Variants in CREM observed in about 807,000 individuals in gnomAD.
The protein encoded by CREM is cAMP responsive element modulator.
In CREM, 13 loss-of-function variants were observed where a neutral mutation model predicts 37.3. The ratio of observed to expected loss-of-function variants is 0.35; its 90% CI spans 0.23 to 0.55. The LOEUF (loss-of-function observed/expected upper bound fraction) is 0.55, where lower values mean the gene tolerates loss of function less well. Ranked by LOEUF, CREM falls within the 20% of genes least tolerant of loss-of-function variation. CREM has a pLI of 0.88. For synonymous variants in CREM, 124 were observed against 120.2 expected (o/e 1.03, Z -0.21); for missense variants, 296 against 362.3 (o/e 0.82, Z 1.49).
intron 5 of CREM, among the ~76,000 whole-genome samples, chr10:35,184,868 T>TAC (rs2094487895): frequency 6.6e-6 from 1 of 152,210 alleles, no homozygotes; most frequent in African/African-American, 2.4e-5. Context: ...CTGAGGCAGC[T>TAC]ACTCTCACCT....
At chr10:35,189,576 C>T (rs746375408) in intron 6 of CREM, among the ~76,000 whole-genome samples, 23 of 152,160 alleles carry the variant, frequency 1.5e-4, no homozygotes, top group South Asian at 1.5e-3. Context: ...AGTGCAGTGG[C>T]GCGATCTCGG....
chr10:35,193,534 C>T (rs2133921160), intron 6 of CREM, among the ~76,000 whole-genome samples: 2 of 152,252 alleles, frequency 1.3e-5, no homozygotes, highest in East Asian at 3.9e-4. Context: ...AGCAAAGAGT[C>T]CCTGCTGGAG....
chr10:35,135,726 A>C (rs2090377295), intron 1 of CREM, among the ~76,000 whole-genome samples: 1 of 127,056 alleles, frequency 7.9e-6, no homozygotes, highest in African/African-American at 2.7e-5. Context: ...TTCTGGAAAA[A>C]AAAAAAAAAA....
chr10:35,187,099 TG>T (rs1203454379), intron 5 of CREM, among the ~76,000 whole-genome samples: 7 of 50,504 alleles, frequency 1.4e-4, no homozygotes, highest in South Asian at 3.9e-4. Flanking sequence ...ATAATATATA[TG>T]ATATATATTA....
At chr10:35,137,326 T>C (rs750957151) in intron 1 of CREM, among the ~76,000 whole-genome samples, 1 of 152,188 alleles carries the variant, frequency 6.6e-6, no homozygotes, top group East Asian at 1.9e-4. Flanking sequence ...AGTTGGAATT[T>C]AAGGTAAATG....
At chr10:35,132,842 C>T (rs990281744) in intron 1 of CREM, among the ~76,000 whole-genome samples, 2 of 152,272 alleles carry the variant, frequency 1.3e-5, no homozygotes, top group East Asian at 1.9e-4. Context: ...ATTTTTTAAT[C>T]GACTTGGTTG....
chr10:35,130,675 A>G (rs1169596974), intron 1 of CREM, among the ~76,000 whole-genome samples: 1 of 152,158 alleles, frequency 6.6e-6, no homozygotes, highest in East Asian at 1.9e-4. Flanking sequence ...AATACATTCC[A>G]CTGTGTTCTA....
rs1385001220 is a variant in CREM at position 35,163,478 on chromosome 10, GTTCGAGACCAGC to G, written c.168+14988_168+14999del. 5.9e-5 allele frequency among the ~76,000 whole-genome samples: 9 copies of G among 152,250 alleles called. No homozygotes were observed. The East Asian group carries it at 1.5e-3, about 26-fold the overall frequency. On this transcript the variant is annotated intron_variant, in intron 3 of 7. Coordinates refer to ENST00000685392, the MANE Select transcript of CREM (RefSeq NM_183011.2). ...ATGAGATGATTGCTTGAGCACAGGA[GTTCGAGACCAGC>G]CTGTACAACATAGGGAGACCATGTC...
In CREM at chr10:35,178,989, A is replaced by G. The variant is rs2094228311; in HGVS notation, c.266+3A>G. 2 of 1,592,182 alleles carry G rather than the reference A, an allele frequency of 1.3e-6. No individual in the cohort carries two copies. Among genetic ancestry groups the G allele is most frequent in the Middle Eastern group, 1.7e-4 (1 of 5,912 alleles). ...CTTTCACGAAGACCCTCTTATAGGT[A>G]AGTTAACCAAGTTTCCTAATGTAAA... On this transcript the variant is annotated splice_donor_region_variant and intron_variant, in intron 4 of 7. Transcript: ENST00000685392.
At chr10:35,187,147 AT>A (rs1225930632) in intron 5 of CREM, among the ~76,000 whole-genome samples, 5 of 58,014 alleles carry the variant, frequency 8.6e-5, no homozygotes, top group Admixed American at 3.2e-4. Context: ...TTAATATATA[AT>A]ATATATAATA....
Position 35,179,276 on chromosome 10 carries a change from A to G in CREM, c.409A>G (p.Ile137Val). ...SIYQTSTGQY[I>V]AIAQGGTIQI... ...ATATCAGACTAGCACGGGGCAATAC[A>G]GTATGTATGCTGCAATTCGATATGA... The change falls in exon 5 of 8, where the codon ATT (isoleucine) becomes GTT (valine). Residue 137 changes from isoleucine (I) to valine (V), a missense_variant and splice_region_variant. Transcript: ENST00000685392. 6.2e-7 allele frequency: 1 copy of G among 1,613,482 alleles called. No individual in the cohort carries two copies. The highest frequency in any genetic ancestry group is 8.5e-7 in the Non-Finnish European group (1 of 1,179,686).
Position 35,186,909 on chromosome 10 carries a change from A to G in CREM, c.410-1291A>G, listed in dbSNP as rs541100408. Reference sequence around the variant, plus strand: ...TATAAATAATTATAAAAATATAATAATTATTAAAATATATGTTATATATAA... The same window carrying G: ...TATAAATAATTATAAAAATATAATAGTTATTAAAATATATGTTATATATAA... On this transcript the variant is annotated intron_variant, in intron 5 of 7. Coordinates refer to ENST00000685392, the MANE Select transcript of CREM (RefSeq NM_183011.2). Among the ~76,000 whole-genome samples, 631 of 105,238 alleles carry G rather than the reference A, an allele frequency of 6.0e-3. 22 individuals carry two copies. In the East Asian group the frequency reaches 0.12, roughly 19 times the overall value. The allele number at this position is 105,238 out of a possible 152,430, so 69.0% of individuals were successfully genotyped here.
At chr10:35,181,831 C>G (rs945949488) in intron 5 of CREM, among the ~76,000 whole-genome samples, 2 of 152,178 alleles carry the variant, frequency 1.3e-5, no homozygotes, top group African/African-American at 4.8e-5. Flanking sequence ...TATGATTGCA[C>G]CACTGCACTG....
chr10:35,173,566 A>G (rs936648960), intron 3 of CREM, among the ~76,000 whole-genome samples: 17 of 152,354 alleles, frequency 1.1e-4, no homozygotes, highest in Non-Finnish European at 2.1e-4. Flanking sequence ...ATAAGTTACT[A>G]TTTTTAAAAT....
rs187417913 is a variant in CREM, at chr10:35,148,387, G to T, written c.64G>T (p.Val22Phe). ...TTTCAGACAAATGACCATGGAAACA[G>T]TTGAATCCCAGCATGATGGAAGTAT... ...TNPRQMTMETVESQHDGSITA... is the reference protein window; with the variant it reads ...TNPRQMTMETFESQHDGSITA... The change falls in exon 3 of 8, where the codon GTT becomes TTT. Residue 22 changes from valine to phenylalanine, a missense_variant. By Grantham distance (50) the Val-to-Phe change is conservative. Around this residue, in one of 2 missense-constraint regions of CREM, gnomAD observed 257 missense variants for 280.2 expected, o/e 0.92. Transcript: ENST00000685392. The T allele has an allele frequency of 5.6e-6, 9 of 1,612,564 alleles. No individual in the cohort carries two copies. The East Asian group carries it at 2.0e-4, about 36-fold the overall frequency.
intron 3 of CREM, among the ~76,000 whole-genome samples, chr10:35,150,133 C>T (rs2092486070): frequency 6.6e-6 from 1 of 151,960 alleles, no homozygotes; most frequent in African/African-American, 2.4e-5. Context: ...TTTCCAGAAT[C>T]TTTAGAGCTA....
rs1589721028 is a variant in CREM, at chr10:35,163,875, G to A, written c.169-15014G>A. On this transcript the variant is annotated intron_variant, in intron 3 of 7. Transcript: ENST00000685392. ...CAATTAGTTGAGTGTGGTGACATGTGCTTGTAGTTCAAATTACTCAGGAGG... is the reference window on the plus strand; with the variant it reads ...CAATTAGTTGAGTGTGGTGACATGTACTTGTAGTTCAAATTACTCAGGAGG... Among the ~76,000 whole-genome samples, 3 of 151,598 alleles carry A rather than the reference G, an allele frequency of 2.0e-5. No homozygotes were observed. The East Asian group carries it at 5.8e-4, about 29-fold the overall frequency.
rs55971717 is a variant in CREM, at chr10:35,149,889, AACACACAC to A, written c.168+1441_168+1448del. ...TAGGTTAGGCCAGGCCTTTTGCTTA[AACACACAC>A]ACACACACACACACACACACACACA... On this transcript the variant is annotated intron_variant, in intron 3 of 7. Coordinates refer to ENST00000685392, the MANE Select transcript of CREM (RefSeq NM_183011.2). Among the ~76,000 whole-genome samples, 776 of 111,910 alleles carry A rather than the reference AACACACAC, an allele frequency of 6.9e-3. 11 individuals are homozygous for A. Among genetic ancestry groups the A allele is most frequent in the African/African-American group, 0.022 (659 of 29,588 alleles). 73.4% of individuals were successfully genotyped at this position (111,910 alleles called of 152,430 possible).
chr10:35,183,494 G>A (rs1281774297), intron 5 of CREM, among the ~76,000 whole-genome samples: 6 of 152,154 alleles, frequency 3.9e-5, no homozygotes, highest in Admixed American at 6.5e-5. Flanking sequence ...TTTAAACTTT[G>A]ATGTTGCTAT....
Sources: allele counts gnomAD v4.1 joint callset (sites outside exome capture counted in the v4.1 genomes callset), GRCh38; gene constraint gnomAD v4.1.1; regional missense constraint gnomAD v4.1.1; transcripts MANE v1.5; gene names NCBI Gene and HGNC (gene_info 2026-07-23, HGNC 2026-07-21).